The following REV3L variants were observed in gnomAD, a reference collection of about 807,000 sequenced individuals.
The protein encoded by REV3L is DNA polymerase zeta catalytic subunit.
A neutral mutation model predicts 299.4 loss-of-function variants in REV3L; 69 were observed. That is an observed-to-expected ratio of 0.23 (90% CI 0.19 to 0.28). The LOEUF (loss-of-function observed/expected upper bound fraction) is 0.28, where lower values mean the gene tolerates loss of function less well. Among genes scored for constraint, REV3L ranks in the 10% least tolerant of loss-of-function variants. The pLI is 1.00. For synonymous variants in REV3L, 1,238 were observed against 1,271.4 expected (o/e 0.97, Z 0.56); for missense variants, 3,128 against 3,693.8 (o/e 0.85, Z 3.97).
intron 11 of REV3L, among the ~76,000 whole-genome samples, chr6:111,379,779 T>A (rs1177258862): frequency 1.3e-5 from 2 of 152,188 alleles, no homozygotes; most frequent in Non-Finnish European, 2.9e-5. Flanking sequence ...GTTAGGTTAA[T>A]CTTTTAAAAT....
chr6:111,428,092 C>A (rs1378258742), intron 1 of REV3L, among the ~76,000 whole-genome samples: 2 of 150,422 alleles, frequency 1.3e-5, no homozygotes, highest in East Asian at 3.9e-4. Flanking sequence ...TCGATAAAAA[C>A]CAAAACAAGC....
chr6:111,399,834 AAT>A (rs1582846950), intron 4 of REV3L, among the ~76,000 whole-genome samples: 2 of 152,298 alleles, frequency 1.3e-5, no homozygotes, highest in South Asian at 2.1e-4. Flanking sequence ...TTGATGAATG[AAT>A]AGTCATGTAA....
intron 25 of REV3L, among the ~76,000 whole-genome samples, chr6:111,327,275 A>G (rs938741212): frequency 1.4e-4 from 21 of 152,200 alleles, no homozygotes; most frequent in African/African-American, 4.8e-4. Flanking sequence ...GGCCCCTAAG[A>G]AAGGATTTGG....
intron 10 of REV3L, among the ~76,000 whole-genome samples, chr6:111,380,560 GTT>G (rs1780733553): frequency 6.6e-6 from 1 of 152,138 alleles, no homozygotes; most frequent in Non-Finnish European, 1.5e-5. Context: ...CGCCCGGCCT[GTT>G]TTCTTAATAA....
At chr6:111,400,024 C>A (rs1378725919) in intron 4 of REV3L, among the ~76,000 whole-genome samples, 1 of 152,136 alleles carries the variant, frequency 6.6e-6, no homozygotes, top group Non-Finnish European at 1.5e-5. Context: ...CAGTTTGTAT[C>A]CTTTTCGGTC....
chr6:111,355,308 T>C (rs2114965859), intron 18 of REV3L, among the ~76,000 whole-genome samples: 1 of 152,258 alleles, frequency 6.6e-6, no homozygotes, highest in Admixed American at 6.5e-5. Flanking sequence ...GAGTTTTATG[T>C]GTATTATCTA....
intron 1 of REV3L, among the ~76,000 whole-genome samples, chr6:111,437,023 C>T (rs773311769): frequency 6.6e-6 from 1 of 152,160 alleles, no homozygotes; most frequent in Admixed American, 6.5e-5. Flanking sequence ...TCAACATCAG[C>T]AGCCATCAGC....
chr6:111,386,657 C>T (rs1168034531), intron 9 of REV3L, among the ~76,000 whole-genome samples: 1 of 150,510 alleles, frequency 6.6e-6, no homozygotes, highest in Non-Finnish European at 1.5e-5. Flanking sequence ...CTATTGATAT[C>T]ATTTTACAAC....
chr6:111,345,027 C>T (rs1776889234), intron 20 of REV3L, among the ~76,000 whole-genome samples: 1 of 152,102 alleles, frequency 6.6e-6, no homozygotes, highest in African/African-American at 2.4e-5. Context: ...TATACATATA[C>T]ACAGATGCCC....
chr6:111,312,462 G>T (rs1431154548), intron 28 of REV3L: 1 of 152,184 alleles, frequency 6.6e-6, no homozygotes, highest in African/African-American at 2.4e-5. Context: ...TTATGGTTGA[G>T]AAATTTGAGT....
At chr6:111,386,805 T>G (rs1407663793) in intron 9 of REV3L, among the ~76,000 whole-genome samples, 1 of 142,424 alleles carries the variant, frequency 7.0e-6, no homozygotes, top group Non-Finnish European at 1.5e-5. Context: ...TACTGCAACC[T>G]CCACCTCCTG....
chr6:111,439,425 A>C (rs879364150), intron 1 of REV3L, among the ~76,000 whole-genome samples: 1 of 152,210 alleles, frequency 6.6e-6, no homozygotes, highest in Non-Finnish European at 1.5e-5. Context: ...AGAAGTAGAC[A>C]ACAACCAATT....
In REV3L at chr6:111,299,555, G is replaced by A. The variant is rs465646; in HGVS notation, c.*461C>T. 0.81 allele frequency: 123,077 copies of A among 152,736 alleles called. 49,778 individuals are homozygous for A. Among genetic ancestry groups the A allele is most frequent in the Admixed American group, 0.84 (12,870 of 15,298 alleles). 9.5% of individuals were successfully genotyped at this position (152,736 alleles called of 1,614,324 possible). On this transcript the variant is annotated 3_prime_UTR_variant, in exon 32 of 32. Coordinates refer to ENST00000368802, the MANE Select transcript of REV3L (RefSeq NM_001372078.1). ...TATAAAAATCATTGCACATTATTTT[G>A]CTCGTTTGAAAAGTAAAAAAGTGTA...
intron 1 of REV3L, among the ~76,000 whole-genome samples, chr6:111,429,599 T>A (rs1481016562): frequency 6.6e-6 from 1 of 152,128 alleles, no homozygotes; most frequent in Non-Finnish European, 1.5e-5. Context: ...TAGCAACCCA[T>A]TAAGAGATAG....
chr6:111,301,289 A>C (rs1345161211), intron 31 of REV3L, among the ~76,000 whole-genome samples: 1 of 152,140 alleles, frequency 6.6e-6, no homozygotes, highest in Non-Finnish European at 1.5e-5. Context: ...ATGGACCTTC[A>C]TCAGTAATTC....
intron 18 of REV3L, among the ~76,000 whole-genome samples, chr6:111,352,947 ATTATAG>A (rs1326958329): frequency 2.0e-5 from 3 of 152,194 alleles, no homozygotes; most frequent in South Asian, 2.1e-4. Flanking sequence ...AGCGGAACTA[ATTATAG>A]TTATAAGTTT....
rs924690215 is a variant in REV3L at position 111,307,860 on chromosome 6, T to C, written c.9043-290A>G. On this transcript the variant is annotated intron_variant, in intron 30 of 31. Transcript: ENST00000368802. ...TGCAGGTTTGTTACATATGTATACATGTGCCATGTTGGTTTGCTGCACCCA... is the reference window on the plus strand; with the variant it reads ...TGCAGGTTTGTTACATATGTATACACGTGCCATGTTGGTTTGCTGCACCCA... The C allele has an allele frequency of 1.2e-5, 4 of 345,816 alleles. No individual in the cohort carries two copies. The Admixed American group carries it at 1.8e-4, about 15-fold the overall frequency. 21.4% of individuals were successfully genotyped at this position (345,816 alleles called of 1,614,324 possible).
intron 1 of REV3L, among the ~76,000 whole-genome samples, chr6:111,467,658 A>G (rs1397255140): frequency 1.3e-5 from 2 of 152,238 alleles, no homozygotes; most frequent in Non-Finnish European, 2.9e-5. Context: ...CACAACTATT[A>G]CATAGCATTT....
intron 18 of REV3L, among the ~76,000 whole-genome samples, chr6:111,355,482 T>A (rs1414479138): frequency 6.6e-6 from 1 of 152,178 alleles, no homozygotes; most frequent in Admixed American, 6.5e-5. Flanking sequence ...TGGACTAATA[T>A]ATAAAGAACA....
Sources: allele counts gnomAD v4.1 joint callset (sites outside exome capture counted in the v4.1 genomes callset), GRCh38; gene constraint gnomAD v4.1.1; transcripts MANE v1.5; gene names NCBI Gene and HGNC (gene_info 2026-07-23, HGNC 2026-07-21).